ASIP: variants seen among roughly 807,000 people sequenced by gnomAD.
The protein encoded by ASIP is agouti signaling protein, also known as agouti-signaling protein.
A neutral mutation model predicts 10.3 loss-of-function variants in ASIP; 11 were observed. The ratio of observed to expected loss-of-function variants is 1.07; its 90% CI spans 0.68 to 1.78. ASIP has a LOEUF of 1.78. Among genes scored for constraint, ASIP ranks in the 40% most tolerant of loss-of-function variants. The pLI is 0.00. For synonymous variants in ASIP, 70 were observed against 70.8 expected, an observed-to-expected ratio of 0.99 and a Z score of 0.06; for missense variants, 180 against 169.2, an observed-to-expected ratio of 1.06 and a Z score of -0.35.
At chr20:34,268,823 G>A (rs905093667) in intron 3 of ASIP, among the ~76,000 whole-genome samples, 168 bp from the exon 4 acceptor site, 1 of 152,128 alleles carries the variant, frequency 6.6e-6, no homozygotes, top group Non-Finnish European at 1.5e-5. Context: ...GTCTGGATGG[G>A]GATGGAGGTG....
intron 1 of ASIP, among the ~76,000 whole-genome samples, chr20:34,223,628 C>G (rs1375298383): frequency 3.4e-5 from 5 of 145,668 alleles, no homozygotes; most frequent in East Asian, 2.1e-4. Context: ...CCAGCCGCCC[C>G]GTCCGGGAGG....
intron 1 of ASIP, among the ~76,000 whole-genome samples, chr20:34,200,703 T>C (rs1378788085): frequency 6.6e-6 from 1 of 152,204 alleles, no homozygotes; most frequent in African/African-American, 2.4e-5. Context: ...CTGATTTTAT[T>C]TGGGAGAAAC....
intron 1 of ASIP, chr20:34,213,550 A>C: frequency 6.5e-7 from 1 of 1,534,922 alleles, no homozygotes; most frequent in Non-Finnish European, 8.9e-7. Context: ...CACTTCAAAA[A>C]TTGCATGAAG....
At position 34,200,396 on chromosome 20, in the gene ASIP, A is replaced by G. The variant is rs372568830; in HGVS notation, c.-11+5636A>G. On this transcript the variant is annotated intron_variant, in intron 1 of 3. Coordinates refer to the ASIP transcript ENST00000568305. ...TAGTCCCTCAAATTGGCATCCCTCA[A>G]ATTGGCATCTGGTAATGTACATTGT... Among the ~76,000 whole-genome samples, 13 of 152,322 alleles carry G rather than the reference A, an allele frequency of 8.5e-5. No individual in the cohort carries two copies. The East Asian group carries it at 2.1e-3, about 25-fold the overall frequency.
chr20:34,236,924 A>G (rs1404717409), upstream of ASIP, among the ~76,000 whole-genome samples: 3 of 152,146 alleles, frequency 2.0e-5, no homozygotes, highest in Non-Finnish European at 4.4e-5. Context: ...TTTTGCATGT[A>G]GATATCCACT....
At chr20:34,232,841 AC>A (rs2035131005) in intron 1 of ASIP, among the ~76,000 whole-genome samples, 1 of 152,168 alleles carries the variant, frequency 6.6e-6, no homozygotes, top group Non-Finnish European at 1.5e-5. Context: ...GGTTTGACAA[AC>A]CCAGCAGCAG....
At chr20:34,233,155 T>C (rs1478831660) in intron 1 of ASIP, among the ~76,000 whole-genome samples, 1 of 148,824 alleles carries the variant, frequency 6.7e-6, no homozygotes, top group Non-Finnish European at 1.5e-5. Context: ...TTTTTTTTTT[T>C]TTTTTTTTTT....
chr20:34,189,591 C>T (rs148456145), upstream of ASIP, among the ~76,000 whole-genome samples: 7 of 152,286 alleles, frequency 4.6e-5, no homozygotes, highest in East Asian at 1.4e-3. Context: ...CACGGATGAA[C>T]AGCCTGAGGA....
chr20:34,202,596 A>T (rs747348327), intron 1 of ASIP, among the ~76,000 whole-genome samples: 3 of 151,986 alleles, frequency 2.0e-5, no homozygotes, highest in African/African-American at 7.3e-5. Context: ...AAACACTATT[A>T]ATTTCCCACT....
At chr20:34,213,537 T>G (rs889526461) in intron 1 of ASIP, 2 of 1,526,382 alleles carry the variant, frequency 1.3e-6, no homozygotes, top group Non-Finnish European at 8.9e-7. Context: ...CGGGCCAGAG[T>G]AGCACTTCAA....
intron 1 of ASIP, among the ~76,000 whole-genome samples, chr20:34,256,688 A>G (rs923537726): frequency 6.6e-6 from 1 of 152,168 alleles, no homozygotes; most frequent in African/African-American, 2.4e-5. Context: ...TATATTATTT[A>G]TGGTAAGGAA....
At chr20:34,237,669 T>C (rs184181958), upstream of ASIP, among the ~76,000 whole-genome samples, 5 of 152,300 alleles carry the variant, frequency 3.3e-5, no homozygotes, top group Admixed American at 2.6e-4. Context: ...TTGTTCTAGG[T>C]AGAACTTCCA....
intron 3 of ASIP, among the ~76,000 whole-genome samples, chr20:34,265,028 T>C (rs1325765876): frequency 3.3e-5 from 5 of 152,188 alleles, no homozygotes; most frequent in Middle Eastern, 3.4e-3. Flanking sequence ...ACTCCTGAGT[T>C]CAGGCAATCC....
chr20:34,190,835 G>A (rs2034820509), upstream of ASIP, among the ~76,000 whole-genome samples: 1 of 152,152 alleles, frequency 6.6e-6, no homozygotes, highest in Non-Finnish European at 1.5e-5. Context: ...CCCCAATCCT[G>A]AGCAATCCCA....
intron 1 of ASIP, among the ~76,000 whole-genome samples, chr20:34,254,733 C>T (rs1221145891): frequency 2.0e-5 from 3 of 152,128 alleles, no homozygotes; most frequent in Non-Finnish European, 4.4e-5. Context: ...CTAACGTTCA[C>T]AAAGTTCTGA....
At chr20:34,213,415 G>T in intron 1 of ASIP, 1 of 798,424 alleles carries the variant, frequency 1.3e-6, no homozygotes, top group Non-Finnish European at 2.0e-6. Context: ...ACCAACACCT[G>T]AAAAATGTGA....
rs1388435311 is a variant in ASIP, at chr20:34,234,557, G to A, written c.-10-25808G>A. ...TCCTTTCTTTCTTCCTCACTCTGTT[G>A]CCCAAGTGTATATGACGGACTGCAT... On this transcript the variant is annotated intron_variant, in intron 1 of 3. Coordinates refer to the ASIP transcript ENST00000568305. Among the ~76,000 whole-genome samples the A allele has an allele frequency of 2.0e-5, 3 of 149,542 alleles. No homozygotes were observed. In the East Asian group the frequency reaches 5.8e-4, roughly 29 times the overall value.
At chr20:34,218,466 G>T (rs1601576058) in intron 1 of ASIP, among the ~76,000 whole-genome samples, 2 of 152,124 alleles carry the variant, frequency 1.3e-5, no homozygotes, top group East Asian at 3.9e-4. Flanking sequence ...AGGCAAAGTG[G>T]CATCACCCAT....
At chr20:34,242,777 C>G (rs1568759717) in intron 1 of ASIP, among the ~76,000 whole-genome samples, 2 of 152,372 alleles carry the variant, frequency 1.3e-5, no homozygotes, top group South Asian at 2.1e-4. Flanking sequence ...CCTCTTCCCT[C>G]CTTCTGCTGT....
Sources: gnomAD v4.1 joint callset for allele counts (sites outside exome capture counted in the v4.1 genomes callset) on GRCh38, gnomAD v4.1.1 for gene constraint, MANE v1.5 for transcripts, NCBI Gene and HGNC (gene_info 2026-07-23, HGNC 2026-07-21) for gene names.